ANO5: variants seen among roughly 807,000 people sequenced by gnomAD.
ANO5 encodes the protein anoctamin 5.
A neutral mutation model predicts 121.0 loss-of-function variants in ANO5; 109 were observed. That is an observed-to-expected ratio of 0.90 (90% CI 0.77 to 1.06). The LOEUF (loss-of-function observed/expected upper bound fraction) is 1.06. ANO5 is among the 50% of genes least tolerant of loss of function. The probability of loss-of-function intolerance (pLI) is 0.00; values close to 1 mark genes in which losing one functional copy is unlikely to be tolerated. For synonymous variants in ANO5, 406 were observed against 359.9 expected (o/e 1.13, Z -1.45); for missense variants, 1,064 against 1,078.5 (o/e 0.99, Z 0.19).
At position 22,218,505 on chromosome 11, in the gene ANO5, T is replaced by C. The variant is rs147127533; in HGVS notation, c.180+218T>C. Among the ~76,000 whole-genome samples the C allele has an allele frequency of 2.0e-5, 3 of 152,174 alleles. No individual in the cohort carries two copies. In the East Asian group the frequency reaches 5.8e-4, roughly 30 times the overall value. On this transcript the variant is annotated intron_variant, in intron 4 of 21. Coordinates refer to ENST00000324559, the MANE Select transcript of ANO5 (RefSeq NM_213599.3). Reference sequence around the variant, plus strand: ...TAAAATGTATGCACATTCTCACACATACACGTAATTCATACAGTTTCAGTG... The same window carrying C: ...TAAAATGTATGCACATTCTCACACACACACGTAATTCATACAGTTTCAGTG...
rs2133820515 is a variant in ANO5, at chr11:22,282,557, C to T, written c.*2792C>T. 6.6e-6 allele frequency: 1 copy of T among 152,192 alleles called. No individual in the cohort carries two copies. The allele number at this position is 152,192 out of a possible 1,614,324, so 9.4% of individuals were successfully genotyped here. On this transcript the variant is annotated 3_prime_UTR_variant, in exon 22 of 22. Coordinates refer to ENST00000324559, the MANE Select transcript of ANO5 (RefSeq NM_213599.3). Reference sequence around the variant, plus strand: ...AGAGGAGTGAGGAAACAGTTATTTCCTTATGAATCCTGTGTGTTTCTTTGG... The same window carrying T: ...AGAGGAGTGAGGAAACAGTTATTTCTTTATGAATCCTGTGTGTTTCTTTGG...
chr11:22,256,066 T>C (rs910838926), intron 13 of ANO5, among the ~76,000 whole-genome samples: 4 of 152,130 alleles, frequency 2.6e-5, no homozygotes, highest in Non-Finnish European at 4.4e-5. Context: ...TTGAGAATCA[T>C]TGTATTTGTG....
intron 10 of ANO5, 82 bp downstream of exon 10, chr11:22,250,453 T>C: frequency 6.4e-7 from 1 of 1,563,014 alleles, no homozygotes; most frequent in South Asian, 1.1e-5. Flanking sequence ...TTCCCTGGCA[T>C]TTCCTTCAGA....
In ANO5 at chr11:22,239,698, A is replaced by T; in HGVS notation, c.878+14A>T. ...AGACTTGATTAAGTAAGTTTCATAC[A>T]CAGGATCAGACCAATTAAAACTTGA... is the stretch of plus-strand genomic sequence containing the variant. On this transcript the variant is annotated intron_variant, in intron 9 of 21. Transcript: ENST00000324559. The T allele has an allele frequency of 6.5e-7, 1 of 1,535,016 alleles. No homozygotes were observed. Among genetic ancestry groups the T allele is most frequent in the Non-Finnish European group, 9.0e-7 (1 of 1,108,612 alleles).
chr11:22,219,075 A>G (rs565217239), intron 4 of ANO5, among the ~76,000 whole-genome samples: 2 of 152,246 alleles, frequency 1.3e-5, no homozygotes, highest in South Asian at 4.1e-4. Context: ...TGACAGAATT[A>G]TCAGATTTTT....
intron 8 of ANO5, among the ~76,000 whole-genome samples, chr11:22,238,015 ATTG>A (rs1372644864): frequency 3.9e-5 from 6 of 152,122 alleles, no homozygotes; most frequent in Admixed American, 3.9e-4. Context: ...GTTACACTGT[ATTG>A]TTTTTAAATT....
intron 12 of ANO5, among the ~76,000 whole-genome samples, chr11:22,252,802 T>TC (rs200309962): frequency 6.6e-6 from 1 of 151,942 alleles, no homozygotes; most frequent in African/African-American, 2.4e-5. Flanking sequence ...TTTAATGATT[T>TC]CATTTTATTT....
In ANO5 at chr11:22,257,120, C is replaced by A. The variant is rs560342794; in HGVS notation, c.1333-560C>A. Among the ~76,000 whole-genome samples the A allele has an allele frequency of 2.0e-5, 3 of 151,208 alleles. No homozygotes were observed. In the East Asian group the frequency reaches 5.9e-4, roughly 29 times the overall value. On this transcript the variant is annotated intron_variant, in intron 13 of 21. Transcript: ENST00000324559. ...TGTTTTGTTTTTTTACTATTTTTTG[C>A]TTCTTTTGGGTAAAATCTACTTACT...
intron 9 of ANO5, among the ~76,000 whole-genome samples, chr11:22,248,956 A>G (rs1288569918): frequency 6.6e-6 from 1 of 152,048 alleles, no homozygotes; most frequent in East Asian, 1.9e-4. Context: ...GTCATGTACT[A>G]TTACAATAAT....
intron 12 of ANO5, among the ~76,000 whole-genome samples, chr11:22,254,068 A>T (rs933904342): frequency 5.3e-5 from 8 of 152,174 alleles, no homozygotes; most frequent in Non-Finnish European, 7.4e-5. Flanking sequence ...ATGTTTAAAT[A>T]TTTCTTTAAA....
At position 22,259,633 on chromosome 11, in the gene ANO5, C is replaced by G; in HGVS notation, c.1522C>G (p.Leu508Val). 1 of 1,614,042 alleles carries G rather than the reference C, an allele frequency of 6.2e-7. No individual in the cohort carries two copies. Among genetic ancestry groups the G allele is most frequent in the Non-Finnish European group, 8.5e-7 (1 of 1,179,972 alleles). Residue 508 changes from leucine (L) to valine (V), a missense_variant, in exon 15 of 22, where the codon CTT becomes GTT. Coordinates refer to ENST00000324559, the MANE Select transcript of ANO5 (RefSeq NM_213599.3). ...ATCCTTAAAGCAGGTCAAAAGCTTC[C>G]TTACTCCTCAGATAACCACATCACT... ...DASLKQVKSF[L>V]TPQITTSLTG... is the part of the protein sequence containing the mutation.
At chr11:22,194,430 C>A (rs1851746908) in intron 1 of ANO5, among the ~76,000 whole-genome samples, 1 of 152,140 alleles carries the variant, frequency 6.6e-6, no homozygotes, top group South Asian at 2.1e-4. Context: ...CTCCTCGTTC[C>A]CTTTTTTAAG....
At chr11:22,255,671 A>G in intron 13 of ANO5, 149 bp downstream of exon 13, 2 of 805,894 alleles carry the variant, frequency 2.5e-6, no homozygotes, top group Non-Finnish European at 3.9e-6. Context: ...TAATATACAT[A>G]CATGTATATA....
intron 9 of ANO5, among the ~76,000 whole-genome samples, chr11:22,240,590 CT>C (rs2133667949): frequency 6.6e-6 from 1 of 152,140 alleles, no homozygotes; most frequent in South Asian, 2.1e-4. Context: ...CATGCAAACT[CT>C]TTCTTGAATG....
intron 7 of ANO5, among the ~76,000 whole-genome samples, chr11:22,230,617 A>C (rs1266704390): frequency 6.6e-6 from 1 of 152,006 alleles, no homozygotes. Context: ...TATTGAAAGC[A>C]CTCATGTTCC....
At position 22,221,136 on chromosome 11, in the gene ANO5, C is replaced by T. The variant is rs749645231; in HGVS notation, c.220C>T (p.Arg74Ter). Reference protein sequence around the residue: ...NQQSKDSIFFRDGIRQIDFVL... With the variant: ...NQQSKDSIFF The stretch of plus-strand genomic sequence containing the variant: ...GCAAAGCAAAGATTCTATCTTCTTC[C>T]GAGATGGGATTAGGCAAATTGATTT... The change falls in exon 5 of 22, where the codon CGA (arginine) becomes TGA (stop). Residue 74 changes from arginine (R) to a stop codon, truncating the protein, a stop_gained. Coordinates refer to ENST00000324559, the MANE Select transcript of ANO5 (RefSeq NM_213599.3). LOFTEE classifies it high-confidence loss of function. 6.8e-6 allele frequency: 11 copies of T among 1,611,614 alleles called. No individual in the cohort carries two copies. Among genetic ancestry groups the T allele is most frequent in the East Asian group, 6.7e-5 (3 of 44,736 alleles).
intron 14 of ANO5, among the ~76,000 whole-genome samples, chr11:22,258,380 GATAAA>G (rs1161214043): frequency 6.6e-6 from 1 of 152,122 alleles, no homozygotes; most frequent in Non-Finnish European, 1.5e-5. Context: ...GAGGAGATGT[GATAAA>G]ATAAAAGGGG....
chr11:22,278,236 T>C (rs1854938834), intron 21 of ANO5, among the ~76,000 whole-genome samples: 1 of 151,662 alleles, frequency 6.6e-6, no homozygotes, highest in East Asian at 1.9e-4. Context: ...GATGGTTCTT[T>C]GCTATTTGTC....
At chr11:22,277,499 TTTGA>T (rs140330027) in intron 21 of ANO5, among the ~76,000 whole-genome samples, 2,559 of 151,668 alleles carry the variant, frequency 0.017, 94 homozygotes, top group African/African-American at 0.055. Context: ...CCATCAGAGT[TTTGA>T]TTAAGAGATT....
Sources: allele counts gnomAD v4.1 joint callset (sites outside exome capture counted in the v4.1 genomes callset), GRCh38; gene constraint gnomAD v4.1.1; transcripts MANE v1.5; gene names NCBI Gene and HGNC (gene_info 2026-07-23, HGNC 2026-07-21).